Variants in EYA1 observed in about 807,000 individuals in gnomAD.
EYA1 encodes the protein EYA transcriptional coactivator and phosphatase 1, also known as protein phosphatase EYA1.
EYA1 carries 16 observed loss-of-function variants against 82.0 expected under a neutral mutation model. That is an observed-to-expected ratio of 0.20 (90% CI 0.13 to 0.30). EYA1 has a LOEUF of 0.30. EYA1 is among the 10% of genes least tolerant of loss of function. The pLI is 1.00. For missense variants in EYA1, 633 were observed against 730.7 expected (o/e 0.87, Z 1.54); for synonymous variants, 261 against 264.4 (o/e 0.99, Z 0.12).
chr8:71,309,122 A>G (rs758488952), intron 7 of EYA1, among the ~76,000 whole-genome samples: 9 of 152,292 alleles, frequency 5.9e-5, no homozygotes, highest in Non-Finnish European at 1.0e-4. Flanking sequence ...AATAGTTTTT[A>G]TTTCCAAAGA....
chr8:71,420,714 G>T (rs1295930428), intron 2 of EYA1, among the ~76,000 whole-genome samples: 1 of 151,972 alleles, frequency 6.6e-6, no homozygotes, highest in East Asian at 1.9e-4. Context: ...GTCTCCAGAA[G>T]CACTTAGCCA....
chr8:71,463,983 A>T (rs1260044490), intron 2 of EYA1, among the ~76,000 whole-genome samples: 1 of 152,140 alleles, frequency 6.6e-6, no homozygotes, highest in Admixed American at 6.5e-5. Context: ...CTGGGATTCA[A>T]ATTCATCAAA....
chr8:71,301,697 A>T (rs1029684130), intron 7 of EYA1, among the ~76,000 whole-genome samples: 1 of 152,150 alleles, frequency 6.6e-6, no homozygotes, highest in African/African-American at 2.4e-5. Context: ...CAGAACACCT[A>T]TCTCAGATAG....
intron 17 of EYA1, among the ~76,000 whole-genome samples, chr8:71,208,827 G>T (rs1808162045): frequency 6.6e-6 from 1 of 152,088 alleles, no homozygotes; most frequent in Non-Finnish European, 1.5e-5. Flanking sequence ...GAATTCCTTT[G>T]TTTTTTTCCA....
intron 3 of EYA1, among the ~76,000 whole-genome samples, chr8:71,348,959 A>T (rs1480495167): frequency 6.6e-6 from 1 of 152,236 alleles, no homozygotes; most frequent in Non-Finnish European, 1.5e-5. Flanking sequence ...CAAAACTGCA[A>T]CCAGTTTTTA....
chr8:71,371,761 C>A (rs189158915), intron 2 of EYA1, among the ~76,000 whole-genome samples: 1 of 151,974 alleles, frequency 6.6e-6, no homozygotes. Flanking sequence ...GATACTGAAG[C>A]CATGAAACAA....
intron 9 of EYA1, among the ~76,000 whole-genome samples, chr8:71,276,775 A>G (rs1053814738): frequency 6.6e-6 from 1 of 152,168 alleles, no homozygotes; most frequent in African/African-American, 2.4e-5. Context: ...CTAGATTTTA[A>G]GGCACTGAGC....
intron 2 of EYA1, among the ~76,000 whole-genome samples, chr8:71,524,266 T>C (rs1266626790): frequency 6.6e-6 from 1 of 152,216 alleles, no homozygotes; most frequent in African/African-American, 2.4e-5. Context: ...CATGGTATTG[T>C]GTTAATGTTT....
At chr8:71,399,453 G>T (rs1443102629) in intron 2 of EYA1, among the ~76,000 whole-genome samples, 1 of 152,130 alleles carries the variant, frequency 6.6e-6, no homozygotes, top group Non-Finnish European at 1.5e-5. Flanking sequence ...TATACATGTG[G>T]TTATATCTCC....
At chr8:71,460,892 G>A (rs1309087891) in intron 2 of EYA1, among the ~76,000 whole-genome samples, 1 of 152,196 alleles carries the variant, frequency 6.6e-6, no homozygotes, top group Non-Finnish European at 1.5e-5. Context: ...TCTAGAGAAT[G>A]GGGAAGTAGC....
intron 17 of EYA1, among the ~76,000 whole-genome samples, chr8:71,204,438 T>C (rs898960959): frequency 1.3e-5 from 2 of 152,236 alleles, no homozygotes. Context: ...GACTTAATTA[T>C]TGCAGTTTTA....
intron 2 of EYA1, among the ~76,000 whole-genome samples, chr8:71,495,614 A>C (rs1811356605): frequency 2.0e-5 from 3 of 152,154 alleles, no homozygotes; most frequent in Non-Finnish European, 4.4e-5. Context: ...TCTGTCTCAA[A>C]AAAATAAATA....
chr8:71,505,825 T>C (rs1040262508), intron 2 of EYA1, among the ~76,000 whole-genome samples: 1 of 152,192 alleles, frequency 6.6e-6, no homozygotes, highest in African/African-American at 2.4e-5. Context: ...CCAAATTTCA[T>C]CTTGAAGCGT....
chr8:71,370,545 A>G (rs1828021510), intron 2 of EYA1, among the ~76,000 whole-genome samples: 1 of 151,868 alleles, frequency 6.6e-6, no homozygotes, highest in South Asian at 2.1e-4. Flanking sequence ...GAGCACCAGT[A>G]AAGGGATTTT....
At chr8:71,234,831 T>C (rs1002169156) in intron 12 of EYA1, among the ~76,000 whole-genome samples, 4 of 152,156 alleles carry the variant, frequency 2.6e-5, no homozygotes, top group African/African-American at 9.7e-5. Flanking sequence ...CCTGCTTATA[T>C]GTCATCTCTT....
chr8:71,230,697 G>A (rs1031532458), intron 12 of EYA1, among the ~76,000 whole-genome samples: 8 of 152,204 alleles, frequency 5.3e-5, no homozygotes, highest in African/African-American at 1.4e-4. Context: ...AAACTATGGC[G>A]AAACTAGGAA....
intron 2 of EYA1, among the ~76,000 whole-genome samples, chr8:71,498,859 C>T (rs574846192): frequency 6.6e-6 from 1 of 152,290 alleles, no homozygotes; most frequent in South Asian, 2.1e-4. Flanking sequence ...AATGACTGCT[C>T]TTTGGACTCC....
intron 2 of EYA1, among the ~76,000 whole-genome samples, chr8:71,467,521 A>G (rs1396475719): frequency 2.0e-5 from 3 of 152,146 alleles, no homozygotes; most frequent in Non-Finnish European, 4.4e-5. Flanking sequence ...CCTGTTTCCA[A>G]GTTTGGCACC....
intron 1 of EYA1, among the ~76,000 whole-genome samples, chr8:71,545,802 C>T (rs1479310623): frequency 2.6e-5 from 4 of 151,998 alleles, no homozygotes; most frequent in African/African-American, 9.7e-5. Flanking sequence ...CCTCGTAATC[C>T]GCCCACCTCC....
Sources: allele counts gnomAD v4.1 joint callset (sites outside exome capture counted in the v4.1 genomes callset), GRCh38; gene constraint gnomAD v4.1.1; transcripts MANE v1.5; gene names NCBI Gene and HGNC (gene_info 2026-07-23, HGNC 2026-07-21).